The following PELI2 variants were observed in gnomAD, a reference collection of about 807,000 sequenced individuals.
PELI2 encodes E3 ubiquitin-protein ligase pellino homolog 2.
PELI2 carries 23 observed loss-of-function variants against 42.3 expected under a neutral mutation model. The observed-to-expected ratio is 0.54, with a 90% confidence interval of 0.39 to 0.77. The LOEUF (loss-of-function observed/expected upper bound fraction) is 0.77. Ranked by LOEUF, PELI2 falls within the 30% of genes least tolerant of loss-of-function variation. The probability of loss-of-function intolerance (pLI) is 0.00; values close to 1 mark genes in which losing one functional copy is unlikely to be tolerated. For synonymous variants in PELI2, 245 were observed against 212.2 expected, an observed-to-expected ratio of 1.15 and a Z score of -1.34; for missense variants, 463 against 553.2, an observed-to-expected ratio of 0.84 and a Z score of 1.64.
At chr14:56,258,859 G>A (rs1008529520) in intron 2 of PELI2, among the ~76,000 whole-genome samples, 2 of 151,980 alleles carry the variant, frequency 1.3e-5, no homozygotes, top group South Asian at 2.1e-4. Context: ...GAACCAAGAA[G>A]CTCAGTGAGC....
chr14:56,296,521 C>A, intron 5 of PELI2, 79 bp from the exon 6 acceptor site: 1 of 980,534 alleles, frequency 1.0e-6, no homozygotes, highest in South Asian at 1.6e-5. Context: ...TATTTTTTTG[C>A]TTGTTCTGAG....
At chr14:56,242,370 C>A (rs1361910385) in intron 2 of PELI2, among the ~76,000 whole-genome samples, 2 of 152,114 alleles carry the variant, frequency 1.3e-5, no homozygotes, top group Non-Finnish European at 2.9e-5. Context: ...TTTATATTAG[C>A]AGCTTGGGGG....
At chr14:56,255,206 A>G (rs1888484501) in intron 2 of PELI2, among the ~76,000 whole-genome samples, 1 of 152,202 alleles carries the variant, frequency 6.6e-6, no homozygotes, top group African/African-American at 2.4e-5. Flanking sequence ...TTGCAGCACT[A>G]TTTACAATAG....
chr14:56,216,999 A>T (rs760144525), intron 2 of PELI2, among the ~76,000 whole-genome samples: 2 of 152,222 alleles, frequency 1.3e-5, no homozygotes, highest in Non-Finnish European at 2.9e-5. Flanking sequence ...GAGTTCTAGA[A>T]GTTATTTTTT....
rs202243870 is a variant in PELI2, at chr14:56,288,504, C to G, written c.377C>G (p.Thr126Arg). The G allele has an allele frequency of 1.2e-6, 2 of 1,613,928 alleles. No individual in the cohort carries two copies. The highest frequency in any genetic ancestry group is 1.7e-5 in the Admixed American group (1 of 60,016). ...GACACGATTTCTGGCAGCCAGAACA[C>G]GGACGAAGCCCAGATCACACAGAGC... The part of the protein sequence containing the change: ...VTDTISGSQN[T>R]DEAQITQSTI... The change falls in exon 4 of 6, where the codon ACG becomes AGG. Residue 126 changes from threonine to arginine, a missense_variant. This residue lies in a region of PELI2 where 343 missense variants were observed against 378.4 expected (regional missense o/e 0.91). Coordinates refer to ENST00000267460, the MANE Select transcript of PELI2 (RefSeq NM_021255.3). The surrounding 1 kb of genome is among the most constrained non-coding windows in gnomAD (Gnocchi z 4.6).
intron 2 of PELI2, among the ~76,000 whole-genome samples, chr14:56,270,086 T>C (rs753387602): frequency 1.6e-4 from 24 of 152,344 alleles, no homozygotes; most frequent in Admixed American, 1.2e-3. Context: ...TCCAGCACTC[T>C]TGCGTGCCAT....
At chr14:56,169,323 A>G (rs747609476) in intron 1 of PELI2, among the ~76,000 whole-genome samples, 16 of 152,204 alleles carry the variant, frequency 1.1e-4, no homozygotes, top group Non-Finnish European at 2.4e-4. Flanking sequence ...ACATGGAGAC[A>G]CAGAGCACTG....
chr14:56,224,159 A>G (rs189923052), intron 2 of PELI2, among the ~76,000 whole-genome samples: 1 of 152,336 alleles, frequency 6.6e-6, no homozygotes, highest in East Asian at 1.9e-4. Flanking sequence ...AATATCCAGA[A>G]TAATGCCTAG....
intron 2 of PELI2, among the ~76,000 whole-genome samples, chr14:56,242,409 CTCA>C (rs1888007379): frequency 6.6e-6 from 1 of 152,092 alleles, no homozygotes; most frequent in South Asian, 2.1e-4. Context: ...AAGCTAAAGT[CTCA>C]TCATGTAAAA....
At chr14:56,274,255 T>C (rs1361504471) in intron 2 of PELI2, among the ~76,000 whole-genome samples, 2 of 152,176 alleles carry the variant, frequency 1.3e-5, no homozygotes, top group Non-Finnish European at 2.9e-5. Context: ...TCCCATTTTC[T>C]CTCTCCATAC....
chr14:56,183,373 T>G lies in PELI2; in HGVS notation c.207+4909T>G, dbSNP rs148600485. On this transcript the variant is annotated intron_variant, in intron 2 of 5. Coordinates refer to ENST00000267460, the MANE Select transcript of PELI2 (RefSeq NM_021255.3). The stretch of plus-strand genomic sequence containing the variant: ...AACAAAAAATAATAAACATAAATCA[T>G]TTTCCAAAAAATTGAAATAACAACA... Among the ~76,000 whole-genome samples the G allele has an allele frequency of 6.6e-3, 1,001 of 152,270 alleles. 15 individuals carry two copies. Among genetic ancestry groups the G allele is most frequent in the African/African-American group, 0.023 (938 of 41,544 alleles).
rs187845473 is a variant in PELI2, at chr14:56,217,344, A to G, written c.207+38880A>G. On this transcript the variant is annotated intron_variant, in intron 2 of 5. Transcript: ENST00000267460. ...TGTCTTCTGGGAGGGGAATGGGCAT[A>G]TAACCAGAACACAGAAGAGGATTAT... Among the ~76,000 whole-genome samples the G allele has an allele frequency of 2.4e-4, 36 of 152,360 alleles. No homozygotes were observed. The South Asian group carries it at 5.6e-3, about 24-fold the overall frequency.
intron 2 of PELI2, among the ~76,000 whole-genome samples, chr14:56,235,925 A>G (rs972856237): frequency 1.3e-5 from 2 of 152,122 alleles, no homozygotes; most frequent in East Asian, 1.9e-4. Flanking sequence ...TTTTGATTCA[A>G]TTTCATTATC....
At chr14:56,278,577 A>G (rs1889373144) in intron 2 of PELI2, among the ~76,000 whole-genome samples, 1 of 152,202 alleles carries the variant, frequency 6.6e-6, no homozygotes, top group Non-Finnish European at 1.5e-5. Context: ...CATCAGCTCA[A>G]TCATGAAATT....
chr14:56,296,534 G>A, intron 5 of PELI2, 66 bp from the exon 6 acceptor site: 1 of 1,107,682 alleles, frequency 9.0e-7, no homozygotes, highest in South Asian at 1.5e-5. Context: ...GTTCTGAGAG[G>A]AAAGAATCTT....
chr14:56,202,119 A>G (rs1264103283), intron 2 of PELI2, among the ~76,000 whole-genome samples: 1 of 152,192 alleles, frequency 6.6e-6, no homozygotes, highest in Non-Finnish European at 1.5e-5. Flanking sequence ...CACATTCTTA[A>G]CCAACTTAAA....
At chr14:56,201,131 G>A (rs1886316880) in intron 2 of PELI2, among the ~76,000 whole-genome samples, 1 of 152,018 alleles carries the variant, frequency 6.6e-6, no homozygotes, top group African/African-American at 2.4e-5. Context: ...CCAGATAAAT[G>A]TTCACTGTCT....
chr14:56,183,573 C>A (rs1250905803), intron 2 of PELI2, among the ~76,000 whole-genome samples: 1 of 152,084 alleles, frequency 6.6e-6, no homozygotes, highest in Non-Finnish European at 1.5e-5. Flanking sequence ...TGGTCCTGAT[C>A]GTTGCAAAAC....
chr14:56,159,545 T>C (rs999496718), intron 1 of PELI2, among the ~76,000 whole-genome samples: 5 of 152,182 alleles, frequency 3.3e-5, no homozygotes, highest in Admixed American at 2.0e-4. Flanking sequence ...AAATAAGTAC[T>C]ATACTGATCT....
Sources: gnomAD v4.1 joint callset for allele counts (sites outside exome capture counted in the v4.1 genomes callset) on GRCh38, gnomAD v4.1.1 for gene constraint, gnomAD v4.1.1 regional missense constraint, Gnocchi (gnomAD v3.1) non-coding constraint, MANE v1.5 for transcripts, NCBI Gene and HGNC (gene_info 2026-07-23, HGNC 2026-07-21) for gene names.